Variants in NDUFAF6 observed in about 807,000 individuals in gnomAD.
The protein encoded by NDUFAF6 is NADH:ubiquinone oxidoreductase complex assembly factor 6, also known as NADH dehydrogenase (ubiquinone) complex I, assembly factor 6.
Under a neutral mutation model 40.8 loss-of-function variants are expected in NDUFAF6, and 45 were observed. That is an observed-to-expected ratio of 1.10 (90% CI 0.87 to 1.42). The LOEUF (loss-of-function observed/expected upper bound fraction) is 1.42, where lower values mean the gene tolerates loss of function less well. Ranked by LOEUF, NDUFAF6 falls within the 40% of genes most tolerant of loss-of-function variation. The pLI, the probability that NDUFAF6 is intolerant of heterozygous loss-of-function variation, is 0.00. For synonymous variants in NDUFAF6, 185 were observed against 155.9 expected (o/e 1.19, Z -1.39); for missense variants, 435 against 418.5 (o/e 1.04, Z -0.34).
intron 1 of NDUFAF6, chr8:94,930,346 C>A: frequency 7.8e-7 from 1 of 1,286,582 alleles, no homozygotes; most frequent in Non-Finnish European, 1.1e-6. Context: ...AAGATAGTGT[C>A]TAAATACACT....
At chr8:95,110,309 T>C (rs1360676546) in intron 4 of NDUFAF6, among the ~76,000 whole-genome samples, 2 of 152,198 alleles carry the variant, frequency 1.3e-5, no homozygotes, top group Admixed American at 6.5e-5. Context: ...CAAGATGCCT[T>C]TGTGGAGCTC....
Position 94,919,182 on chromosome 8 carries a change from C to CT in NDUFAF6, c.-936+23265dup, listed in dbSNP as rs201872359. Among the ~76,000 whole-genome samples, 159 of 149,230 alleles carry CT rather than the reference C, an allele frequency of 1.1e-3. 1 individual carries two copies. The highest frequency in any genetic ancestry group is 3.0e-3 in the South Asian group (14 of 4,714). The stretch of plus-strand genomic sequence containing the variant: ...GTCCTTTTAAGTGGTTATTACTTGA[C>CT]TTTTTTTTTTCCTTTTTTAGATAGA... On this transcript the variant is annotated intron_variant, in intron 1 of 14. Coordinates refer to the NDUFAF6 transcript ENST00000396113.
intron 2 of NDUFAF6, among the ~76,000 whole-genome samples, chr8:94,948,306 G>T (rs955048619): frequency 6.6e-6 from 1 of 152,266 alleles, no homozygotes; most frequent in African/African-American, 2.4e-5. Context: ...TTTCCTATGT[G>T]TAAGATAGCC....
chr8:95,019,797 C>T (rs1749385197), intron 2 of NDUFAF6, among the ~76,000 whole-genome samples: 1 of 152,160 alleles, frequency 6.6e-6, no homozygotes, highest in South Asian at 2.1e-4. Context: ...TTTCTAGTGC[C>T]CCTTCCATAC....
intron 2 of NDUFAF6, among the ~76,000 whole-genome samples, chr8:94,998,601 C>A (rs1052488416): frequency 1.3e-5 from 2 of 152,106 alleles, no homozygotes; most frequent in Non-Finnish European, 2.9e-5. Context: ...CTAGTGACAT[C>A]AAGGTGAGGA....
chr8:94,985,788 C>T (rs1156920136), intron 2 of NDUFAF6, among the ~76,000 whole-genome samples: 1 of 150,960 alleles, frequency 6.6e-6, no homozygotes, highest in African/African-American at 2.4e-5. Flanking sequence ...CCCGCCTTGG[C>T]GTCCCAAAGT....
chr8:95,099,069 C>T (rs377439853), upstream of NDUFAF6, among the ~76,000 whole-genome samples: 56 of 151,494 alleles, frequency 3.7e-4, no homozygotes, highest in African/African-American at 1.3e-3. Context: ...AGTGAAACCC[C>T]ATCTCTACTA....
intron 2 of NDUFAF6, chr8:94,984,279 C>T (rs949236399): frequency 1.3e-5 from 2 of 151,850 alleles, no homozygotes; most frequent in African/African-American, 4.8e-5. Flanking sequence ...TCATAGAGAC[C>T]AGTGCTTAAC....
In NDUFAF6 at chr8:95,058,396, G is replaced by T; in HGVS notation, c.*459G>T. The T allele has an allele frequency of 8.1e-7, 1 of 1,232,928 alleles. No individual in the cohort carries two copies. The highest frequency in any genetic ancestry group is 4.1e-5 in the South Asian group (1 of 24,448). The allele number at this position is 1,232,928 out of a possible 1,614,324, so 76.4% of individuals were successfully genotyped here. ...CATTTATTTAGGGGTCACAAATAGT[G>T]AAATTAATATTTGAGGAATATCAGT... On this transcript the variant is annotated 3_prime_UTR_variant, in exon 9 of 9. Coordinates refer to ENST00000396124, the MANE Select transcript of NDUFAF6 (RefSeq NM_152416.4).
chr8:94,940,050 T>A, intron 1 of NDUFAF6: 1 of 1,614,142 alleles, frequency 6.2e-7, no homozygotes, highest in Non-Finnish European at 8.5e-7. Context: ...ATAAACCAGC[T>A]CTCCTCCATT....
chr8:95,020,437 G>C (rs1827644741), upstream of NDUFAF6, among the ~76,000 whole-genome samples: 1 of 152,126 alleles, frequency 6.6e-6, no homozygotes, highest in Admixed American at 6.5e-5. Context: ...CAGTCACTAA[G>C]ACTGCAAGCC....
intron 1 of NDUFAF6, among the ~76,000 whole-genome samples, chr8:94,979,446 CT>C (rs1310858303): frequency 6.6e-6 from 1 of 152,208 alleles, no homozygotes; most frequent in Non-Finnish European, 1.5e-5. Flanking sequence ...TCACACCCCT[CT>C]CTCTTTTCCA....
downstream of NDUFAF6, among the ~76,000 whole-genome samples, chr8:95,104,045 A>AT (rs951165810): frequency 6.6e-6 from 1 of 151,834 alleles, no homozygotes; most frequent in African/African-American, 2.4e-5. Context: ...TTTTATTTTT[A>AT]TTTTTTAATG....
chr8:95,104,280 A>T (rs2132079196), downstream of NDUFAF6, among the ~76,000 whole-genome samples: 1 of 152,336 alleles, frequency 6.6e-6, no homozygotes, highest in South Asian at 2.1e-4. Context: ...ACAACTTGGG[A>T]TCCTCATTCT....
chr8:94,916,888 G>A (rs1039114707), intron 1 of NDUFAF6, among the ~76,000 whole-genome samples: 9 of 151,064 alleles, frequency 6.0e-5, no homozygotes, highest in African/African-American at 2.2e-4. Context: ...GCCTAGGCAG[G>A]CGAATCACGA....
chr8:94,948,857 A>C (rs1156588337), intron 2 of NDUFAF6, among the ~76,000 whole-genome samples: 2 of 151,932 alleles, frequency 1.3e-5, no homozygotes, highest in African/African-American at 2.4e-5. Flanking sequence ...CCAAACTCCC[A>C]ACCGCCGCCC....
At chr8:94,980,636 TG>T (rs781696379) in intron 1 of NDUFAF6, among the ~76,000 whole-genome samples, 66 of 27,508 alleles carry the variant, frequency 2.4e-3, no homozygotes, top group East Asian at 0.024. Flanking sequence ...AGTAGGGGGG[TG>T]GGGGGGTCTC....
intron 1 of NDUFAF6, among the ~76,000 whole-genome samples, chr8:94,931,609 C>CACACACACACATATATAT (rs146282014): frequency 6.6e-6 from 1 of 151,680 alleles, no homozygotes; most frequent in African/African-American, 2.4e-5. Context: ...CACACACACA[C>CACACACACACATATATAT]ATAAAATTTT....
At chr8:95,040,348 ATTAC>A (rs1487458966) in intron 3 of NDUFAF6, among the ~76,000 whole-genome samples, 1 of 152,042 alleles carries the variant, frequency 6.6e-6, no homozygotes, top group East Asian at 1.9e-4. Flanking sequence ...GTTAATTTTT[ATTAC>A]TTAGTCACAA....
Sources: gnomAD v4.1 joint callset for allele counts (sites outside exome capture counted in the v4.1 genomes callset) on GRCh38, gnomAD v4.1.1 for gene constraint, MANE v1.5 for transcripts, NCBI Gene and HGNC (gene_info 2026-07-23, HGNC 2026-07-21) for gene names.